Variants in PCDH15 observed in about 807,000 individuals in gnomAD.
PCDH15 encodes protocadherin related 15.
PCDH15 carries 129 observed loss-of-function variants against 178.5 expected under a neutral mutation model. That is an observed-to-expected ratio of 0.72 (90% CI 0.63 to 0.84). The LOEUF is 0.84. PCDH15 is among the 40% of genes least tolerant of loss of function. The probability of loss-of-function intolerance (pLI) is 0.00; values close to 1 mark genes in which losing one functional copy is unlikely to be tolerated. For missense variants in PCDH15, 2,230 were observed against 2,099.9 expected (o/e 1.06, Z -1.21); for synonymous variants, 800 against 732.0 (o/e 1.09, Z -1.50).
At chr10:54,335,152 T>C (rs1469681536) in intron 6 of PCDH15, among the ~76,000 whole-genome samples, 1 of 152,194 alleles carries the variant, frequency 6.6e-6, no homozygotes, top group Non-Finnish European at 1.5e-5. Flanking sequence ...GCTATGCAAT[T>C]TTTGTCCACC....
intron 3 of PCDH15, among the ~76,000 whole-genome samples, chr10:54,417,099 A>G (rs1453908152): frequency 6.6e-6 from 1 of 152,090 alleles, no homozygotes; most frequent in African/African-American, 2.4e-5. Flanking sequence ...CATGTTTCCC[A>G]GGCTGGTCTG....
rs924074253 is a variant in PCDH15 at position 55,335,683 on chromosome 10, T to C, written c.-155-169032A>G. ...ACAGGAAACGCACAGTTTGTTATTA[T>C]AGTTGTCCAGCCCACTTACCAAAGG... On this transcript the variant is annotated intron_variant, in intron 2 of 5. Transcript: ENST00000613346. Among the ~76,000 whole-genome samples, 3 of 152,140 alleles carry C rather than the reference T, an allele frequency of 2.0e-5. No individual in the cohort carries two copies. In the South Asian group the frequency reaches 6.2e-4, roughly 32 times the overall value.
chr10:54,507,004 T>A (rs1468445833), intron 3 of PCDH15, among the ~76,000 whole-genome samples: 1 of 152,002 alleles, frequency 6.6e-6, no homozygotes, highest in Admixed American at 6.6e-5. Context: ...CCATATAACC[T>A]TAGGCTTTTT....
intron 2 of PCDH15, among the ~76,000 whole-genome samples, chr10:54,637,464 C>A (rs1342380736): frequency 6.6e-6 from 1 of 152,024 alleles, no homozygotes; most frequent in African/African-American, 2.4e-5. Context: ...GGAGACAGCC[C>A]TGTTCCTTGA....
chr10:55,185,630 ATAT>A (rs1839777579), intron 1 of PCDH15, among the ~76,000 whole-genome samples: 1 of 151,784 alleles, frequency 6.6e-6, no homozygotes, highest in South Asian at 2.1e-4. Context: ...TTTCTTTAGA[ATAT>A]TATGTGGAAA....
At chr10:54,913,469 A>G (rs1954851982) in intron 2 of PCDH15, among the ~76,000 whole-genome samples, 1 of 152,210 alleles carries the variant, frequency 6.6e-6, no homozygotes, top group East Asian at 1.9e-4. Flanking sequence ...ATGTCCAGGC[A>G]GAAGAATGTG....
chr10:53,840,895 T>C (rs1393400619), intron 28 of PCDH15, among the ~76,000 whole-genome samples: 1 of 152,184 alleles, frequency 6.6e-6, no homozygotes, highest in Non-Finnish European at 1.5e-5. Context: ...CTAAAGTCTG[T>C]GACACATGAC....
At chr10:55,251,930 A>AAAC (rs200380239) in intron 1 of PCDH15, among the ~76,000 whole-genome samples, 9,479 of 152,086 alleles carry the variant, frequency 0.062, 393 homozygotes, top group Non-Finnish European at 0.092. Context: ...TGTCAAAACA[A>AAAC]AACAACAACA....
chr10:53,990,930 G>A (rs1345586203), intron 21 of PCDH15, among the ~76,000 whole-genome samples: 14 of 152,118 alleles, frequency 9.2e-5, no homozygotes. Context: ...CACCGGCCCT[G>A]GGCAGTGAGG....
chr10:54,236,801 TAAAA>T lies in PCDH15; in HGVS notation c.985+18_985+21del, dbSNP rs1564753397. 6.4e-7 allele frequency: 1 copy of T among 1,556,912 alleles called. No individual in the cohort carries two copies. On this transcript the variant is annotated intron_variant, in intron 9 of 37. Transcript: ENST00000644397. ...TAAGATTCTAGAATAACTGATAGTG[TAAAA>T]TGTTATCAGATACAAACCAACAAGG...
chr10:54,485,100 G>A (rs779154965), intron 3 of PCDH15, among the ~76,000 whole-genome samples: 11 of 151,852 alleles, frequency 7.2e-5, no homozygotes, highest in South Asian at 4.1e-4. Context: ...TCCACAATAT[G>A]AGAACACTTA....
chr10:55,050,110 T>C (rs1841120632), intron 2 of PCDH15, among the ~76,000 whole-genome samples: 2 of 152,070 alleles, frequency 1.3e-5, no homozygotes, highest in East Asian at 3.8e-4. Flanking sequence ...GGGAACATTA[T>C]GTCCATTTGA....
intron 1 of PCDH15, among the ~76,000 whole-genome samples, chr10:55,191,206 AT>A (rs199696142): frequency 3.4e-5 from 5 of 147,750 alleles, no homozygotes; most frequent in South Asian, 2.1e-4. Context: ...ATAGCTTAAG[AT>A]TTTTTTTTAT....
At chr10:54,663,471 T>C (rs1359232617) in intron 2 of PCDH15, among the ~76,000 whole-genome samples, 1 of 149,228 alleles carries the variant, frequency 6.7e-6, no homozygotes, top group Non-Finnish European at 1.5e-5. Flanking sequence ...ATCCTAACTG[T>C]CATTATAGGC....
chr10:53,808,590 G>GATC, intron 37 of PCDH15: 1 of 1,468,664 alleles, frequency 6.8e-7, no homozygotes, highest in East Asian at 2.4e-5. Flanking sequence ...TCAAAATCTT[G>GATC]ATCAATTTCC....
At chr10:54,407,913 G>A (rs895475768) in intron 3 of PCDH15, among the ~76,000 whole-genome samples, 3 of 151,878 alleles carry the variant, frequency 2.0e-5, no homozygotes, top group East Asian at 3.9e-4. Context: ...CAAATTAGTC[G>A]GGGTGGTGGC....
At position 54,346,467 on chromosome 10, in the gene PCDH15, G is replaced by A; in HGVS notation, c.492C>T (p.Thr164=). The change falls in exon 6 of 38, where the codon ACC becomes ACT. Residue 164 remains threonine (T), a synonymous_variant. Transcript: ENST00000644397. The part of the protein sequence containing the change: ...ATVNELTPVG[T]TIFTGFSGDN... ...CTCCTGAAAATCCTGTGAATATTGTGGTACCAACTGGAGTGAGCTGAAAGG... is the reference window on the plus strand; with the variant it reads ...CTCCTGAAAATCCTGTGAATATTGTAGTACCAACTGGAGTGAGCTGAAAGG... The A allele has an allele frequency of 1.2e-6, 2 of 1,613,498 alleles. No individual in the cohort carries two copies. The highest frequency in any genetic ancestry group is 1.7e-6 in the Non-Finnish European group (2 of 1,179,856).
intron 2 of PCDH15, among the ~76,000 whole-genome samples, chr10:55,141,601 GGAAAGTAAAA>G (rs1838355113): frequency 6.6e-6 from 1 of 151,898 alleles, no homozygotes; most frequent in African/African-American, 2.4e-5. Flanking sequence ...TCATTCATCT[GGAAAGTAAAA>G]GTTATTCCAA....
At chr10:54,336,595 T>A (rs1288602135) in intron 6 of PCDH15, among the ~76,000 whole-genome samples, 1 of 152,070 alleles carries the variant, frequency 6.6e-6, no homozygotes, top group Non-Finnish European at 1.5e-5. Context: ...AGCCTATGGG[T>A]CCGCAGAAGT....
Sources: gnomAD v4.1 joint callset for allele counts (sites outside exome capture counted in the v4.1 genomes callset) on GRCh38, gnomAD v4.1.1 for gene constraint, MANE v1.5 for transcripts, NCBI Gene and HGNC (gene_info 2026-07-23, HGNC 2026-07-21) for gene names.